Variants in USP1 observed in about 807,000 individuals in gnomAD.
USP1 encodes the protein ubiquitin specific peptidase 1.
A neutral mutation model predicts 72.2 loss-of-function variants in USP1; 18 were observed. The observed-to-expected ratio is 0.25, with a 90% confidence interval of 0.17 to 0.37. The LOEUF (loss-of-function observed/expected upper bound fraction) is 0.37. USP1 is among the 10% of genes least tolerant of loss of function. USP1 has a pLI of 1.00. For missense variants in USP1, 759 were observed against 884.9 expected, an observed-to-expected ratio of 0.86 and a Z score of 1.81; for synonymous variants, 354 against 303.7, an observed-to-expected ratio of 1.17 and a Z score of -1.72.
chr1:62,447,270 G>T, intron 6 of USP1, 71 bp from the exon 7 acceptor site: 1 of 1,413,616 alleles, frequency 7.1e-7, no homozygotes. Context: ...TATTTAAATG[G>T]AAAATTGGTT....
chr1:62,439,792 T>C lies in USP1; in HGVS notation c.-69-7T>C. ...AAAACTAATGAAACTTTCTCTGTGATTAACAGATATAATTGGTGATTACAA... is the reference window on the plus strand; with the variant it reads ...AAAACTAATGAAACTTTCTCTGTGACTAACAGATATAATTGGTGATTACAA... On this transcript the variant is annotated splice_region_variant and splice_polypyrimidine_tract_variant and intron_variant, in intron 1 of 8. Coordinates refer to ENST00000339950, the MANE Select transcript of USP1 (RefSeq NM_003368.5). 8.1e-7 allele frequency: 1 copy of C among 1,235,688 alleles called. No individual in the cohort carries two copies. The highest frequency in any genetic ancestry group is 1.1e-6 in the Non-Finnish European group (1 of 951,832). 76.5% of individuals were successfully genotyped at this position (1,235,688 alleles called of 1,614,324 possible).
rs759675760 is a variant in USP1 at position 62,448,676 on chromosome 1, G to T, written c.1622+10G>T. On this transcript the variant is annotated intron_variant, in intron 8 of 8. Coordinates refer to ENST00000339950, the MANE Select transcript of USP1 (RefSeq NM_003368.5). ...CTGCTAGTGGTTTGGAGTAAGTATT[G>T]TAAATAAGAACTATATGAAGAAAAT... The T allele has an allele frequency of 6.2e-7, 1 of 1,610,626 alleles. No homozygotes were observed. Among genetic ancestry groups the T allele is most frequent in the Non-Finnish European group, 8.5e-7 (1 of 1,178,804 alleles).
In USP1 at chr1:62,442,830, C is replaced by G. The variant is rs147694031; in HGVS notation, c.397-329C>G. On this transcript the variant is annotated intron_variant, in intron 4 of 8. Transcript: ENST00000339950. ...CCAGCCTGGGTAACATGGCAAGACCCTGTCTTTACTAAAAATACAAAAACT... is the reference window on the plus strand; with the variant it reads ...CCAGCCTGGGTAACATGGCAAGACCGTGTCTTTACTAAAAATACAAAAACT... 9.8e-4 allele frequency among the ~76,000 whole-genome samples: 149 copies of G among 152,078 alleles called. 1 individual carries two copies. The highest frequency in any genetic ancestry group is 3.4e-3 in the African/African-American group (143 of 41,456).
intron 1 of USP1, among the ~76,000 whole-genome samples, chr1:62,437,922 T>C (rs1266381258): frequency 2.6e-5 from 4 of 152,254 alleles, no homozygotes; most frequent in Non-Finnish European, 4.4e-5. Context: ...TGTCATCTTA[T>C]AAAGAATTTA....
At chr1:62,437,552 C>T (rs981281505) in intron 1 of USP1, among the ~76,000 whole-genome samples, 152 bp downstream of exon 1, 61 of 152,068 alleles carry the variant, frequency 4.0e-4, no homozygotes, top group Non-Finnish European at 1.5e-4. Flanking sequence ...TCGGGCGTGG[C>T]GCCTGTCTTG....
At chr1:62,444,456 TAAA>T in intron 5 of USP1, among the ~76,000 whole-genome samples, 1 of 152,088 alleles carries the variant, frequency 6.6e-6, no homozygotes, top group Non-Finnish European at 1.5e-5. Flanking sequence ...ACATAGGAGA[TAAA>T]AAACATTTTG....
At chr1:62,436,815 C>T, upstream of USP1, 1 of 282,698 alleles carries the variant, frequency 3.5e-6, no homozygotes, top group Non-Finnish European at 6.5e-6. Flanking sequence ...ACGAGCTGCC[C>T]GGCTCTGTGC....
chr1:62,449,300 C>T (rs140306167), intron 8 of USP1, among the ~76,000 whole-genome samples: 6 of 151,986 alleles, frequency 3.9e-5, no homozygotes, highest in Admixed American at 1.3e-4. Flanking sequence ...TTTGAAGGGG[C>T]GGGAAAGGCT....
In USP1 at chr1:62,451,053, G is replaced by A; in HGVS notation, c.*72G>A. ...CATTGGTAAAGTTGATTACATCAAA[G>A]AATCTTTAGCTTATCTTTTGAAGCT... is the stretch of plus-strand genomic sequence containing the variant. On this transcript the variant is annotated 3_prime_UTR_variant, in exon 9 of 9. Transcript: ENST00000339950. 7.2e-7 allele frequency: 1 copy of A among 1,397,500 alleles called. No individual in the cohort carries two copies. Among genetic ancestry groups the A allele is most frequent in the Non-Finnish European group, 9.5e-7 (1 of 1,049,400 alleles). 86.6% of individuals were successfully genotyped at this position (1,397,500 alleles called of 1,614,324 possible). A position where few individuals can be genotyped will look rare whatever the true frequency, so the allele number is the denominator to read the frequency against.
intron 7 of USP1, 86 bp from the exon 8 acceptor site, chr1:62,448,379 A>T: frequency 7.6e-7 from 1 of 1,315,734 alleles, no homozygotes; most frequent in Non-Finnish European, 1.0e-6. Flanking sequence ...AATTGAAATT[A>T]AATGCTAATT....
At chr1:62,441,898 T>G (rs1181023838) in intron 3 of USP1, among the ~76,000 whole-genome samples, 3 of 152,216 alleles carry the variant, frequency 2.0e-5, no homozygotes, top group Non-Finnish European at 4.4e-5. Context: ...GTGATATATG[T>G]CTTATCCCTT....
At chr1:62,444,260 CAAAAAAAA>C (rs34522182) in intron 5 of USP1, among the ~76,000 whole-genome samples, 1 of 72,430 alleles carries the variant, frequency 1.4e-5, no homozygotes, top group Non-Finnish European at 2.6e-5. Flanking sequence ...CCCTTGTCTC[CAAAAAAAA>C]AAAAAAAAAA....
chr1:62,443,161 A>G lies in USP1; in HGVS notation c.399A>G (p.Gly133=). 1 of 1,607,296 alleles carries G rather than the reference A, an allele frequency of 6.2e-7. No individual in the cohort carries two copies. Among genetic ancestry groups the G allele is most frequent in the Non-Finnish European group, 8.5e-7 (1 of 1,178,004 alleles). ...TTTGTGTGTTTCTTTCTTGACAGGG[A>G]AATTGCAAAGAAGATTCTTTGGCAA... The part of the protein sequence containing the change: ...LKDEANQKDK[G]NCKEDSLASY... Residue 133 remains glycine, a splice_region_variant and synonymous_variant, in exon 5 of 9, where the codon GGA becomes GGG. Transcript: ENST00000339950.
chr1:62,444,168 A>C (rs963393776), intron 5 of USP1, among the ~76,000 whole-genome samples: 1 of 150,164 alleles, frequency 6.7e-6, no homozygotes, highest in Non-Finnish European at 1.5e-5. Context: ...CTGAGGCAGG[A>C]GAATCGCTTG....
chr1:62,445,512 A>G (rs973705722), intron 6 of USP1, 83 bp downstream of exon 6: 129 of 1,261,912 alleles, frequency 1.0e-4, no homozygotes, highest in Admixed American at 4.9e-4. Context: ...TACATGTACA[A>G]TATAATCTCT....
In USP1 at chr1:62,437,059, C is replaced by A. The variant is rs1055352620; in HGVS notation, c.-411C>A. 2 of 398,802 alleles carry A rather than the reference C, an allele frequency of 5.0e-6. No individual in the cohort carries two copies. The highest frequency in any genetic ancestry group is 1.3e-4 in the South Asian group (1 of 7,806). The allele number at this position is 398,802 out of a possible 1,614,324, so 24.7% of individuals were successfully genotyped here. On this transcript the variant is annotated 5_prime_UTR_variant, in exon 1 of 9. Transcript: ENST00000339950. ...GGTCCTGAGACTGAGGAAAACGCGC[C>A]AAGTTCCCCTCGGTGGCGGAGTGCT... is the stretch of plus-strand genomic sequence containing the variant.
intron 1 of USP1, among the ~76,000 whole-genome samples, chr1:62,439,535 A>G (rs1645117780): frequency 6.6e-6 from 1 of 152,230 alleles, no homozygotes; most frequent in South Asian, 2.1e-4. Context: ...GGTCTACTAA[A>G]TAGGATATTT....
In USP1 at chr1:62,447,328, A is replaced by G. The variant is rs373923690; in HGVS notation, c.1250-13A>G. 35 of 1,608,508 alleles carry G rather than the reference A, an allele frequency of 2.2e-5. No individual in the cohort carries two copies. The African/African-American group carries it at 2.6e-4, about 12-fold the overall frequency. On this transcript the variant is annotated splice_polypyrimidine_tract_variant and intron_variant, in intron 6 of 8. Transcript: ENST00000339950. Reference sequence around the variant, plus strand: ...AATCTGTATAGACTTACATTTTCCTATTTTCATTTTAGGTGAAGAACAAAT... The same window carrying G: ...AATCTGTATAGACTTACATTTTCCTGTTTTCATTTTAGGTGAAGAACAAAT...
At chr1:62,440,435 A>G (rs1157620437) in intron 2 of USP1, among the ~76,000 whole-genome samples, 1 of 152,130 alleles carries the variant, frequency 6.6e-6, no homozygotes, top group Non-Finnish European at 1.5e-5. Flanking sequence ...AACTCTAGTC[A>G]TGTAACTAGT....
Sources: allele counts gnomAD v4.1 joint callset (sites outside exome capture counted in the v4.1 genomes callset), GRCh38; gene constraint gnomAD v4.1.1; transcripts MANE v1.5; gene names NCBI Gene and HGNC (gene_info 2026-07-23, HGNC 2026-07-21).